The following SPATS2L variants were observed in gnomAD, a reference collection of about 807,000 sequenced individuals.
SPATS2L encodes spermatogenesis associated serine rich 2 like.
In SPATS2L, 30 loss-of-function variants were observed where a neutral mutation model predicts 59.6. The observed-to-expected ratio is 0.50, with a 90% CI of 0.38 to 0.68. The LOEUF is 0.68. Among genes scored for constraint, SPATS2L ranks in the 30% least tolerant of loss-of-function variants. The probability of loss-of-function intolerance (pLI) is 0.00; values close to 1 mark genes in which losing one functional copy is unlikely to be tolerated. For missense variants in SPATS2L, 615 were observed against 700.0 expected (o/e 0.88, Z 1.37); for synonymous variants, 252 against 263.5 (o/e 0.96, Z 0.42).
intron 1 of SPATS2L, among the ~76,000 whole-genome samples, chr2:200,308,601 T>C (rs1406254016): frequency 1.3e-5 from 2 of 152,016 alleles, no homozygotes; most frequent in African/African-American, 2.4e-5. Context: ...ACATGTCAAA[T>C]TCTGTATCTG....
intron 6 of SPATS2L, among the ~76,000 whole-genome samples, chr2:200,436,933 G>A (rs908960198): frequency 1.1e-4 from 16 of 152,080 alleles, no homozygotes; most frequent in African/African-American, 3.6e-4. Flanking sequence ...GGTGATAAGC[G>A]AGTTCTTGCT....
chr2:200,459,009 T>C (rs1229190318), intron 8 of SPATS2L, among the ~76,000 whole-genome samples: 1 of 152,172 alleles, frequency 6.6e-6, no homozygotes, highest in Non-Finnish European at 1.5e-5. Flanking sequence ...CTTCACTCCT[T>C]CCTACATAAA....
At position 200,383,589 on chromosome 2, in the gene SPATS2L, T is replaced by G. The variant is rs111726955; in HGVS notation, c.-22-5634T>G. On this transcript the variant is annotated intron_variant, in intron 2 of 12. Coordinates refer to ENST00000409140, the MANE Select transcript of SPATS2L (RefSeq NM_001100423.2). ...ATCTCAGTTTTTCAGAGCTCCCTGG[T>G]TAAGTCTGTTGATTAGCCAGAAAGT... Among the ~76,000 whole-genome samples the G allele has an allele frequency of 1.3e-3, 201 of 152,270 alleles. 1 individual carries two copies. Among genetic ancestry groups the G allele is most frequent in the African/African-American group, 4.7e-3 (196 of 41,556 alleles).
At chr2:200,405,166 T>G (rs1369034850) in intron 3 of SPATS2L, among the ~76,000 whole-genome samples, 1 of 152,106 alleles carries the variant, frequency 6.6e-6, no homozygotes, top group Non-Finnish European at 1.5e-5. Flanking sequence ...GGGAGCTGAT[T>G]AGAAATGTAG....
chr2:200,331,568 C>T (rs1467595337), intron 2 of SPATS2L, among the ~76,000 whole-genome samples: 3 of 151,956 alleles, frequency 2.0e-5, no homozygotes, highest in Non-Finnish European at 2.9e-5. Flanking sequence ...GAATATAGAC[C>T]GAGGCTCCAG....
At chr2:200,462,111 T>A (rs2086280810) in intron 9 of SPATS2L, among the ~76,000 whole-genome samples, 1 of 152,226 alleles carries the variant, frequency 6.6e-6, no homozygotes, top group Non-Finnish European at 1.5e-5. Context: ...TATAGCTTAC[T>A]TCAGTTTCAT....
intron 2 of SPATS2L, among the ~76,000 whole-genome samples, chr2:200,349,092 T>C (rs566083501): frequency 2.6e-5 from 4 of 152,300 alleles, no homozygotes; most frequent in South Asian, 2.1e-4. Context: ...AATGGTGTTA[T>C]TGCATCACAT....
chr2:200,458,169 C>T (rs549857928), intron 8 of SPATS2L, among the ~76,000 whole-genome samples: 29 of 152,282 alleles, frequency 1.9e-4, no homozygotes, highest in African/African-American at 7.0e-4. Context: ...ATAACCAAAT[C>T]ATTGATAAAG....
intron 8 of SPATS2L, among the ~76,000 whole-genome samples, chr2:200,449,384 G>A (rs966003782): frequency 2.0e-5 from 3 of 152,198 alleles, no homozygotes; most frequent in African/African-American, 4.8e-5. Flanking sequence ...ACCTCCATAC[G>A]TTATGTCAGT....
chr2:200,439,698 G>A (rs995466227), intron 7 of SPATS2L, among the ~76,000 whole-genome samples: 10 of 152,150 alleles, frequency 6.6e-5, no homozygotes, highest in African/African-American at 2.4e-4. Context: ...ATACACAATT[G>A]CTTGACTTGC....
chr2:200,396,031 AAAATATATATATAT>A (rs1312345941), intron 3 of SPATS2L, among the ~76,000 whole-genome samples: 1 of 30,958 alleles, frequency 3.2e-5, no homozygotes, highest in African/African-American at 9.0e-5. Context: ...AAAAAAAAAA[AAAATATATATATAT>A]ATATATATAT....
chr2:200,320,109 T>A (rs1019068531), intron 1 of SPATS2L, among the ~76,000 whole-genome samples: 3 of 152,144 alleles, frequency 2.0e-5, no homozygotes, highest in Non-Finnish European at 2.9e-5. Context: ...ATTTTTTTTT[T>A]AAACTAGCTT....
intron 2 of SPATS2L, among the ~76,000 whole-genome samples, chr2:200,376,780 C>T (rs2081614488): frequency 6.6e-6 from 1 of 152,214 alleles, no homozygotes; most frequent in Non-Finnish European, 1.5e-5. Flanking sequence ...CCTGAGAGTT[C>T]GTATTTCCTT....
chr2:200,345,596 A>G (rs975305428), intron 2 of SPATS2L, among the ~76,000 whole-genome samples: 8 of 152,166 alleles, frequency 5.3e-5, no homozygotes, highest in Non-Finnish European at 1.5e-5. Context: ...TCCCAGGTCT[A>G]CACTTTCTAG....
chr2:200,307,388 C>T (rs2079058409), intron 1 of SPATS2L, among the ~76,000 whole-genome samples: 1 of 151,934 alleles, frequency 6.6e-6, no homozygotes, highest in Non-Finnish European at 1.5e-5. Flanking sequence ...CCACGTCAGC[C>T]GCGACCACCC....
At position 200,439,216 on chromosome 2, in the gene SPATS2L, A is replaced by C. The variant is rs2084518647; in HGVS notation, c.540A>C (p.Ser180=). Reference sequence around the variant, plus strand: ...AGAGGTCAGATGGCCTACAGTGGTCAGCTGAGCAGCCTTGTAACCCAAGCA... The same window carrying C: ...AGAGGTCAGATGGCCTACAGTGGTCCGCTGAGCAGCCTTGTAACCCAAGCA... ...TTERSDGLQW[S]AEQPCNPSKP... is the part of the protein sequence containing the mutation. The change falls in exon 7 of 13, where the codon TCA becomes TCC. Residue 180 remains serine, a synonymous_variant. Transcript: ENST00000409140. 2 of 1,613,770 alleles carry C rather than the reference A, an allele frequency of 1.2e-6. No homozygotes were observed. Among genetic ancestry groups the C allele is most frequent in the African/African-American group, 2.7e-5 (2 of 75,040 alleles).
intron 2 of SPATS2L, among the ~76,000 whole-genome samples, chr2:200,387,192 G>A (rs72920362): frequency 3.5e-4 from 53 of 152,256 alleles, no homozygotes; most frequent in Non-Finnish European, 7.2e-4. Flanking sequence ...CTATTAGGTT[G>A]GTACAAAAGT....
chr2:200,345,359 TA>T (rs2080476631), intron 2 of SPATS2L, among the ~76,000 whole-genome samples: 1 of 152,212 alleles, frequency 6.6e-6, no homozygotes, highest in African/African-American at 2.4e-5. Context: ...CAAACCTTAT[TA>T]AAGTGACTGA....
At chr2:200,321,945 C>T (rs796627733) in intron 1 of SPATS2L, among the ~76,000 whole-genome samples, 9 of 152,270 alleles carry the variant, frequency 5.9e-5, no homozygotes, top group Non-Finnish European at 1.0e-4. Context: ...TTGAAGCCAG[C>T]GTCAGATTTC....
Sources: allele counts gnomAD v4.1 joint callset (sites outside exome capture counted in the v4.1 genomes callset), GRCh38; gene constraint gnomAD v4.1.1; transcripts MANE v1.5; gene names NCBI Gene and HGNC (gene_info 2026-07-23, HGNC 2026-07-21).